The following DIAPH3 variants were observed in gnomAD, a reference collection of about 807,000 sequenced individuals.
DIAPH3 encodes the protein diaphanous related formin 3.
In DIAPH3, 117 loss-of-function variants were observed where a neutral mutation model predicts 144.3. The observed-to-expected ratio is 0.81, with a 90% CI of 0.70 to 0.95. The LOEUF is 0.95. Among genes scored for constraint, DIAPH3 ranks in the 40% least tolerant of loss-of-function variants. The pLI is 0.00. For missense variants in DIAPH3, 1,421 were observed against 1,412.7 expected (o/e 1.01, Z -0.09); for synonymous variants, 519 against 488.9 (o/e 1.06, Z -0.81).
intron 17 of DIAPH3, among the ~76,000 whole-genome samples, chr13:59,926,533 ATTTT>A (rs2047763255): frequency 6.6e-6 from 1 of 152,090 alleles, no homozygotes; most frequent in South Asian, 2.1e-4. Context: ...TTTCAGAAAT[ATTTT>A]TTATTTTCTT....
intron 2 of DIAPH3, among the ~76,000 whole-genome samples, chr13:60,131,236 C>T (rs565482030): frequency 4.0e-5 from 6 of 151,592 alleles, no homozygotes; most frequent in Non-Finnish European, 7.4e-5. Context: ...TAAACCCAGC[C>T]TGGGCAACAT....
chr13:59,774,911 G>T, intron 25 of DIAPH3, 88 bp from the exon 26 acceptor site: 2 of 1,101,558 alleles, frequency 1.8e-6, no homozygotes, highest in Non-Finnish European at 2.8e-6. Flanking sequence ...GATGGTGATG[G>T]TAGGGAGAAA....
intron 8 of DIAPH3, 55 bp from the exon 9 acceptor site, chr13:60,008,704 T>C (rs541566241): frequency 1.8e-6 from 2 of 1,101,422 alleles, no homozygotes; most frequent in African/African-American, 1.5e-5. Flanking sequence ...AATGCCATAA[T>C]ACAATTGCTT....
chr13:60,159,950 GCGCGGTGGCTCA>G lies in DIAPH3; in HGVS notation c.180+3625_180+3636del, dbSNP rs1374330223. ...GTGAAAAAATCTCAAAACCGGCCAGGCGCGGTGGCTCACGCCTGTAATCCCAGCACTTTGGGA... is the reference window on the plus strand; with the variant it reads ...GTGAAAAAATCTCAAAACCGGCCAGGCGCCTGTAATCCCAGCACTTTGGGA... On this transcript the variant is annotated intron_variant, in intron 1 of 27. Coordinates refer to ENST00000400324, the MANE Select transcript of DIAPH3 (RefSeq NM_001042517.2). Among the ~76,000 whole-genome samples, 8 of 152,316 alleles carry G rather than the reference GCGCGGTGGCTCA, an allele frequency of 5.3e-5. No homozygotes were observed. The East Asian group carries it at 1.5e-3, about 29-fold the overall frequency.
Position 59,971,099 on chromosome 13 carries a change from C to G in DIAPH3, c.1712G>C (p.Gly571Ala). 9 of 1,610,744 alleles carry G rather than the reference C, an allele frequency of 5.6e-6. No individual in the cohort carries two copies. The highest frequency in any genetic ancestry group is 7.6e-6 in the Non-Finnish European group (9 of 1,178,314). ...AGGCGGAGGAGGAAGTGCTGAGTGG[C>G]CAGTTCCACCTTCTTTAGAGGGAGG... ...PLPPSKEGGT[G>A]HSALPPPPPL... Residue 571 changes from glycine (G) to alanine (A), a missense_variant, in exon 16 of 28, where the codon GGC becomes GCC. Transcript: ENST00000400324.
intron 9 of DIAPH3, among the ~76,000 whole-genome samples, chr13:59,995,525 C>A (rs1349119590): frequency 2.0e-5 from 3 of 151,808 alleles, no homozygotes; most frequent in Non-Finnish European, 4.4e-5. Flanking sequence ...TCCTTCAAAG[C>A]CTATTTATTG....
At chr13:59,681,744 A>G (rs1328908273) in intron 27 of DIAPH3, among the ~76,000 whole-genome samples, 2 of 152,124 alleles carry the variant, frequency 1.3e-5, no homozygotes, top group Non-Finnish European at 2.9e-5. Flanking sequence ...TATGATTTTT[A>G]TACTCTCTAA....
At chr13:59,955,609 G>A (rs147579274) in intron 17 of DIAPH3, among the ~76,000 whole-genome samples, 10,545 of 152,162 alleles carry the variant, frequency 0.069, 407 homozygotes, top group Admixed American at 0.11. Context: ...ATGTGGAAGC[G>A]ACTTTGGAAC....
At chr13:59,733,351 C>T (rs528089377) in intron 27 of DIAPH3, among the ~76,000 whole-genome samples, 2 of 152,072 alleles carry the variant, frequency 1.3e-5, no homozygotes, top group South Asian at 2.1e-4. Flanking sequence ...ACTTAATTTC[C>T]GTAAAATCTT....
chr13:59,824,785 T>C (rs928219621), intron 24 of DIAPH3, among the ~76,000 whole-genome samples: 6 of 152,158 alleles, frequency 3.9e-5, no homozygotes, highest in Non-Finnish European at 7.4e-5. Context: ...GCAGGGATTT[T>C]TTTGTTGCCC....
chr13:59,892,286 C>A (rs1429010799), intron 20 of DIAPH3, among the ~76,000 whole-genome samples: 1 of 151,522 alleles, frequency 6.6e-6, no homozygotes, highest in Non-Finnish European at 1.5e-5. Flanking sequence ...AAAATGAGAA[C>A]AAGAAAATGT....
chr13:59,959,524 A>T (rs2049619230), intron 17 of DIAPH3, among the ~76,000 whole-genome samples: 2 of 152,168 alleles, frequency 1.3e-5, no homozygotes, highest in South Asian at 4.1e-4. Context: ...TCTTTAAAAG[A>T]ACCTTTTGTA....
chr13:60,152,543 A>G (rs1247308005), intron 1 of DIAPH3, among the ~76,000 whole-genome samples: 1 of 151,316 alleles, frequency 6.6e-6, no homozygotes, highest in South Asian at 2.1e-4. Context: ...TGAATTTAAA[A>G]AAATCAAAAT....
At chr13:60,091,297 A>G (rs1294981267) in intron 4 of DIAPH3, among the ~76,000 whole-genome samples, 1 of 152,164 alleles carries the variant, frequency 6.6e-6, no homozygotes, top group Non-Finnish European at 1.5e-5. Context: ...CACAGGACAC[A>G]GTGATAGACT....
At chr13:59,929,381 A>G (rs1594026089) in intron 17 of DIAPH3, among the ~76,000 whole-genome samples, 1 of 152,084 alleles carries the variant, frequency 6.6e-6, no homozygotes, top group Non-Finnish European at 1.5e-5. Context: ...CACTTTGATC[A>G]TATAATTAGT....
chr13:59,803,469 AAT>A (rs1480492902), intron 25 of DIAPH3, among the ~76,000 whole-genome samples: 2 of 152,244 alleles, frequency 1.3e-5, no homozygotes, highest in Non-Finnish European at 2.9e-5. Flanking sequence ...ACATTTTGAA[AAT>A]GATTTTAAAA....
Position 59,891,427 on chromosome 13 carries a change from A to G in DIAPH3, c.2368-11959T>C, listed in dbSNP as rs140695374. On this transcript the variant is annotated intron_variant, in intron 20 of 27. Transcript: ENST00000400324. ...AGAAAGCATCATGTTTCCATACCAA[A>G]AAAACCCCAAAAATTATCATCAAAA... 5.6e-4 allele frequency among the ~76,000 whole-genome samples: 85 copies of G among 151,056 alleles called. No homozygotes were observed. In the East Asian group the frequency reaches 0.013, roughly 23 times the overall value.
intron 17 of DIAPH3, among the ~76,000 whole-genome samples, chr13:59,928,251 T>C (rs1307912281): frequency 2.0e-5 from 3 of 152,148 alleles, no homozygotes; most frequent in African/African-American, 7.2e-5. Context: ...TTTATATCTA[T>C]CTCTTTGTTG....
intron 17 of DIAPH3, among the ~76,000 whole-genome samples, chr13:59,956,354 G>A (rs973540017): frequency 6.6e-6 from 1 of 152,180 alleles, no homozygotes; most frequent in African/African-American, 2.4e-5. Flanking sequence ...TCGGGACTTG[G>A]TGCCCTGTGT....
Sources: gnomAD v4.1 joint callset for allele counts (sites outside exome capture counted in the v4.1 genomes callset) on GRCh38, gnomAD v4.1.1 for gene constraint, MANE v1.5 for transcripts, NCBI Gene and HGNC (gene_info 2026-07-23, HGNC 2026-07-21) for gene names.